The following SPAG17 variants were observed in gnomAD, a reference collection of about 807,000 sequenced individuals.
SPAG17 encodes the protein sperm associated antigen 17.
Under a neutral mutation model 273.6 loss-of-function variants are expected in SPAG17, and 169 were observed. That is an observed-to-expected ratio of 0.62 (90% confidence interval 0.55 to 0.70). The LOEUF (loss-of-function observed/expected upper bound fraction) is 0.70. SPAG17 is among the 30% of genes least tolerant of loss of function. The pLI is 0.00. For missense variants in SPAG17, 2,557 were observed against 2,627.8 expected, an observed-to-expected ratio of 0.97 and a Z score of 0.59; for synonymous variants, 825 against 873.2, an observed-to-expected ratio of 0.94 and a Z score of 0.97.
chr1:118,121,627 A>C (rs753109381), intron 3 of SPAG17, among the ~76,000 whole-genome samples: 1 of 152,172 alleles, frequency 6.6e-6, no homozygotes, highest in Non-Finnish European at 1.5e-5. Context: ...GAGCAGTTTC[A>C]TCATGAAATC....
At chr1:118,038,161 G>A (rs138624545) in intron 23 of SPAG17, among the ~76,000 whole-genome samples, 100 of 152,154 alleles carry the variant, frequency 6.6e-4, no homozygotes, top group African/African-American at 2.2e-3. Flanking sequence ...AGATACAAAT[G>A]GCAAATAAGC....
intron 30 of SPAG17, among the ~76,000 whole-genome samples, chr1:118,011,356 TG>T (rs1204054372): frequency 2.6e-5 from 4 of 152,098 alleles, no homozygotes; most frequent in Admixed American, 6.5e-5. Flanking sequence ...AGTAAGCAAA[TG>T]GCATACATAT....
rs184038472 is a variant in SPAG17, at chr1:118,028,214, C to T, written c.3730+60G>A. The T allele has an allele frequency of 3.2e-6, 5 of 1,545,180 alleles. No individual in the cohort carries two copies. The East Asian group carries it at 9.1e-5, about 28-fold the overall frequency. Reference sequence around the variant, plus strand: ...TAACTGGCATGAAAATACACAATTTCCTGTTTTCTACGTGACATTTTGCTC... The same window carrying T: ...TAACTGGCATGAAAATACACAATTTTCTGTTTTCTACGTGACATTTTGCTC... On this transcript the variant is annotated intron_variant, in intron 26 of 48. Coordinates refer to ENST00000336338, the MANE Select transcript of SPAG17 (RefSeq NM_206996.4).
At chr1:117,974,706 A>G (rs180924979) in intron 43 of SPAG17, among the ~76,000 whole-genome samples, 1 of 152,346 alleles carries the variant, frequency 6.6e-6, no homozygotes, top group Non-Finnish European at 1.5e-5. Context: ...AAATCCATGC[A>G]GCAGTAGCTG....
At position 118,016,149 on chromosome 1, in the gene SPAG17, T is replaced by A. The variant is rs921480296; in HGVS notation, c.4103A>T (p.His1368Leu). Residue 1368 changes from histidine to leucine, a missense_variant, in exon 29 of 49, where the codon CAT (histidine) becomes CTT (leucine). Transcript: ENST00000336338. The stretch of plus-strand genomic sequence containing the variant: ...AGGAGGGTCATGGATTTCACCCTTA[T>A]GGGCCATTGATGACTGACTTTTGTG... ...KSHKSQSSMAHKGEIHDPPPE... is the reference protein window; with the variant it reads ...KSHKSQSSMALKGEIHDPPPE... The A allele has an allele frequency of 6.2e-7, 1 of 1,613,952 alleles. No homozygotes were observed.
intron 31 of SPAG17, 64 bp downstream of exon 31, chr1:118,007,980 A>G: frequency 3.1e-6 from 5 of 1,595,198 alleles, no homozygotes; most frequent in Non-Finnish European, 4.3e-6. Context: ...GCCCCAGAGA[A>G]GTGGGTTTTC....
chr1:118,007,974 C>A, intron 31 of SPAG17, 70 bp downstream of exon 31: 1 of 1,587,344 alleles, frequency 6.3e-7, no homozygotes. Context: ...TTTACTGCCC[C>A]AGAGAAGTGG....
At position 118,156,798 on chromosome 1, in the gene SPAG17, C is replaced by CT. The variant is rs200099871; in HGVS notation, c.88-5430dup. ...CTATAGGCTGCAAATTCTGTGATTT[C>CT]TTTTTTTTTTTCAGGGTGCCTTAGA... On this transcript the variant is annotated intron_variant, in intron 1 of 48. Coordinates refer to ENST00000336338, the MANE Select transcript of SPAG17 (RefSeq NM_206996.4). Among the ~76,000 whole-genome samples, 197 of 147,272 alleles carry CT rather than the reference C, an allele frequency of 1.3e-3. 1 individual carries two copies. Among genetic ancestry groups the CT allele is most frequent in the East Asian group, 4.4e-3 (22 of 5,028 alleles).
At position 118,055,898 on chromosome 1, in the gene SPAG17, C is replaced by T. The variant is rs1389078197; in HGVS notation, c.2557G>A (p.Val853Ile). ...NVGFRNYLEL[V>I]AKSIQDWITK... ...ATCCAATCTTGAATAGATTTTGCAACAAGTTCCAAATAATTCCTAAACAAA... is the reference window on the plus strand; with the variant it reads ...ATCCAATCTTGAATAGATTTTGCAATAAGTTCCAAATAATTCCTAAACAAA... Residue 853 changes from valine (V) to isoleucine (I), a missense_variant, in exon 19 of 49, where the codon GTT becomes ATT. Transcript: ENST00000336338. The T allele has an allele frequency of 1.2e-6, 2 of 1,605,658 alleles. No individual in the cohort carries two copies. Among genetic ancestry groups the T allele is most frequent in the Non-Finnish European group, 1.7e-6 (2 of 1,177,976 alleles).
intron 48 of SPAG17, chr1:117,959,101 C>T: frequency 7.6e-7 from 1 of 1,314,716 alleles, no homozygotes; most frequent in Non-Finnish European, 1.1e-6. Context: ...CAATACCCAC[C>T]ACCGATAAAT....
At chr1:118,000,608 G>A (rs890224840) in intron 32 of SPAG17, among the ~76,000 whole-genome samples, 7 of 152,032 alleles carry the variant, frequency 4.6e-5, no homozygotes, top group African/African-American at 7.2e-5. Flanking sequence ...GTTCACTCAC[G>A]TTTGGCTCTC....
At chr1:117,998,879 C>T (rs183627508) in intron 32 of SPAG17, among the ~76,000 whole-genome samples, 54 of 152,004 alleles carry the variant, frequency 3.6e-4, no homozygotes, top group African/African-American at 1.1e-3. Flanking sequence ...GGCACATGTG[C>T]GTGCAGGCTT....
intron 17 of SPAG17, among the ~76,000 whole-genome samples, chr1:118,069,881 T>C (rs968620674): frequency 1.3e-5 from 2 of 152,126 alleles, no homozygotes; most frequent in Admixed American, 1.3e-4. Flanking sequence ...GGGGAAGGGA[T>C]AAGCTCTGCA....
intron 3 of SPAG17, among the ~76,000 whole-genome samples, chr1:118,139,464 A>G (rs544166035): frequency 6.6e-6 from 1 of 152,298 alleles, no homozygotes; most frequent in Non-Finnish European, 1.5e-5. Context: ...ACTTCTGGGT[A>G]TTTACCCAAA....
intron 32 of SPAG17, among the ~76,000 whole-genome samples, chr1:117,999,864 T>C (rs1275842950): frequency 2.0e-5 from 3 of 152,198 alleles, no homozygotes; most frequent in Non-Finnish European, 4.4e-5. Flanking sequence ...TTTGTTGCCA[T>C]TGTTTTTGGT....
chr1:118,175,422 A>G (rs61838262), intron 1 of SPAG17, among the ~76,000 whole-genome samples: 73,466 of 151,842 alleles, frequency 0.48, 19,785 homozygotes, highest in Non-Finnish European at 0.61. Context: ...AGAATAATCA[A>G]ACTCTCAAAG....
intron 3 of SPAG17, among the ~76,000 whole-genome samples, chr1:118,120,909 T>C (rs2102271692): frequency 6.6e-6 from 1 of 152,356 alleles, no homozygotes; most frequent in South Asian, 2.1e-4. Flanking sequence ...GAGATTTTTA[T>C]TTATTATAGA....
intron 20 of SPAG17, among the ~76,000 whole-genome samples, chr1:118,048,599 A>C (rs1044996777): frequency 3.3e-4 from 51 of 152,320 alleles, no homozygotes; most frequent in African/African-American, 1.2e-3. Context: ...AATGGTACCA[A>C]AGAAATACAA....
At chr1:117,974,314 T>C (rs1176867722) in intron 43 of SPAG17, among the ~76,000 whole-genome samples, 1 of 152,186 alleles carries the variant, frequency 6.6e-6, no homozygotes, top group African/African-American at 2.4e-5. Context: ...ATACATGACC[T>C]AATACTGGTC....
Sources: gnomAD v4.1 joint callset for allele counts (sites outside exome capture counted in the v4.1 genomes callset) on GRCh38, gnomAD v4.1.1 for gene constraint, MANE v1.5 for transcripts, NCBI Gene and HGNC (gene_info 2026-07-23, HGNC 2026-07-21) for gene names.